PNPT1: variants seen among roughly 807,000 people sequenced by gnomAD.
PNPT1 encodes the protein polyribonucleotide nucleotidyltransferase 1.
A neutral mutation model predicts 119.5 loss-of-function variants in PNPT1; 53 were observed. The observed-to-expected ratio is 0.44, with a 90% CI of 0.36 to 0.56. PNPT1 has a LOEUF of 0.56. Ranked by LOEUF, PNPT1 falls within the 20% of genes least tolerant of loss-of-function variation. The pLI is 0.00. For synonymous variants in PNPT1, 357 were observed against 322.1 expected (o/e 1.11, Z -1.16); for missense variants, 948 against 938.5 (o/e 1.01, Z -0.13).
At chr2:55,655,010 T>C (rs1289232795) in intron 17 of PNPT1, 57 bp from the exon 18 acceptor site, 1 of 1,418,210 alleles carries the variant, frequency 7.1e-7, no homozygotes, top group Non-Finnish European at 9.9e-7. Flanking sequence ...TGTAGAAAAG[T>C]GTTACTATTG....
chr2:55,670,092 A>G (rs560012314), intron 11 of PNPT1, among the ~76,000 whole-genome samples: 87 of 151,146 alleles, frequency 5.8e-4, no homozygotes, highest in African/African-American at 2.0e-3. Context: ...TTCATGTGAG[A>G]GTATATTTGT....
chr2:55,683,760 C>G, intron 5 of PNPT1, 25 bp downstream of exon 5: 5 of 1,593,538 alleles, frequency 3.1e-6, no homozygotes, highest in Non-Finnish European at 4.3e-6. Flanking sequence ...GATCTGGCAA[C>G]TAAAAAACCT....
intron 11 of PNPT1, among the ~76,000 whole-genome samples, chr2:55,669,177 A>T (rs72807608): frequency 0.031 from 4,544 of 144,794 alleles, 106 homozygotes; most frequent in South Asian, 0.091. Context: ...CACTGAGTTT[A>T]AAAAAAAACA....
intron 4 of PNPT1, among the ~76,000 whole-genome samples, chr2:55,684,601 C>A (rs1325141363): frequency 6.6e-6 from 1 of 152,162 alleles, no homozygotes; most frequent in Non-Finnish European, 1.5e-5. Flanking sequence ...CTATTCTGAA[C>A]ATGAAAAAAT....
At chr2:55,685,137 C>T in intron 3 of PNPT1, 89 bp from the exon 4 acceptor site, 3 of 927,904 alleles carry the variant, frequency 3.2e-6, no homozygotes, top group Non-Finnish European at 4.6e-6. Flanking sequence ...AGGTTGCTAA[C>T]AACACAGTCT....
chr2:55,688,658 G>A (rs982695529), intron 1 of PNPT1, among the ~76,000 whole-genome samples: 7 of 152,076 alleles, frequency 4.6e-5, no homozygotes, highest in Non-Finnish European at 1.0e-4. Flanking sequence ...CCAGGAGGGG[G>A]AGGTTACAGT....
intron 1 of PNPT1, 120 bp downstream of exon 1, chr2:55,693,543 A>C (rs1697689856): frequency 1.4e-6 from 2 of 1,385,672 alleles, no homozygotes; most frequent in Admixed American, 2.3e-5. Flanking sequence ...ATTTAGGTTT[A>C]GGGTAAGGAG....
chr2:55,693,111 G>A (rs940503563), intron 1 of PNPT1, among the ~76,000 whole-genome samples: 1 of 152,052 alleles, frequency 6.6e-6, no homozygotes, highest in Non-Finnish European at 1.5e-5. Flanking sequence ...GGTCTTAAAC[G>A]AATATTTCCA....
chr2:55,686,581 AT>A (rs1275303368), intron 2 of PNPT1, 137 bp from the exon 3 acceptor site: 2 of 652,010 alleles, frequency 3.1e-6, no homozygotes, highest in Non-Finnish European at 5.2e-6. Flanking sequence ...GAAATAAAAA[AT>A]ATTCACAAGT....
At chr2:55,656,494 G>A in intron 15 of PNPT1, 123 bp from the exon 16 acceptor site, 1 of 846,420 alleles carries the variant, frequency 1.2e-6, no homozygotes, top group Non-Finnish European at 1.8e-6. Context: ...TTTTAAAAAA[G>A]TACATTCATA....
chr2:55,676,666 A>C (rs1697082579), intron 8 of PNPT1, among the ~76,000 whole-genome samples: 2 of 152,098 alleles, frequency 1.3e-5, no homozygotes, highest in African/African-American at 2.4e-5. Flanking sequence ...GTTTGAGACC[A>C]GCCTGACAAA....
intron 11 of PNPT1, among the ~76,000 whole-genome samples, chr2:55,669,306 ATTTTT>A (rs540065910): frequency 3.9e-5 from 6 of 152,156 alleles, no homozygotes; most frequent in Non-Finnish European, 7.4e-5. Context: ...ATTTTATTTT[ATTTTT>A]AGCTTAGGGT....
Position 55,653,659 on chromosome 2 carries a change from C to T in PNPT1, c.1495+1241G>A, listed in dbSNP as rs1696282013. The stretch of plus-strand genomic sequence containing the variant: ...TGAAAATAGTAGCAGCAGTATTTTA[C>T]CAGCTACCTTAAATATCAGATTATG... On this transcript the variant is annotated intron_variant, in intron 18 of 27. Coordinates refer to ENST00000447944, the MANE Select transcript of PNPT1 (RefSeq NM_033109.5). Among the ~76,000 whole-genome samples, 3 of 152,188 alleles carry T rather than the reference C, an allele frequency of 2.0e-5. No individual in the cohort carries two copies. The South Asian group carries it at 6.2e-4, about 31-fold the overall frequency.
chr2:55,665,995 C>A (rs1052661322), intron 13 of PNPT1, among the ~76,000 whole-genome samples: 1 of 152,078 alleles, frequency 6.6e-6, no homozygotes, highest in Non-Finnish European at 1.5e-5. Flanking sequence ...ACTGTACAGG[C>A]TAAATGGAGA....
At chr2:55,666,237 C>G (rs901406864) in intron 13 of PNPT1, among the ~76,000 whole-genome samples, 3 of 152,138 alleles carry the variant, frequency 2.0e-5, no homozygotes, top group African/African-American at 7.2e-5. Context: ...TTGGAGGTAA[C>G]TGATATGTTC....
At chr2:55,640,394 C>T (rs1288858355) in intron 26 of PNPT1, among the ~76,000 whole-genome samples, 2 of 152,182 alleles carry the variant, frequency 1.3e-5, no homozygotes, top group South Asian at 2.1e-4. Flanking sequence ...CCTTGTGATT[C>T]ACCCGCCTCG....
intron 15 of PNPT1, among the ~76,000 whole-genome samples, chr2:55,657,362 T>C (rs531150531): frequency 7.2e-4 from 109 of 152,104 alleles, no homozygotes; most frequent in African/African-American, 2.6e-3. Context: ...ATATCTGTAA[T>C]TCCAGATTAA....
intron 8 of PNPT1, among the ~76,000 whole-genome samples, chr2:55,673,878 A>G (rs1200812541): frequency 6.6e-6 from 1 of 151,746 alleles, no homozygotes; most frequent in Non-Finnish European, 1.5e-5. Flanking sequence ...GTGAGCCACT[A>G]CATCCAGCTA....
intron 13 of PNPT1, among the ~76,000 whole-genome samples, chr2:55,665,954 T>G (rs1384413669): frequency 6.6e-6 from 1 of 152,102 alleles, no homozygotes; most frequent in Non-Finnish European, 1.5e-5. Flanking sequence ...TGGGTGCCTA[T>G]GTAAAGAATA....
Sources: allele counts gnomAD v4.1 joint callset (sites outside exome capture counted in the v4.1 genomes callset), GRCh38; gene constraint gnomAD v4.1.1; transcripts MANE v1.5; gene names NCBI Gene and HGNC (gene_info 2026-07-23, HGNC 2026-07-21).